ESR1: variants seen among roughly 807,000 people sequenced by gnomAD.
The protein encoded by ESR1 is estrogen receptor.
In ESR1, 12 loss-of-function variants were observed where a neutral mutation model predicts 52.7. The observed-to-expected ratio is 0.23, with a 90% CI of 0.15 to 0.37. ESR1 has a LOEUF of 0.37. Among genes scored for constraint, ESR1 ranks in the 10% least tolerant of loss-of-function variants. ESR1 has a pLI of 1.00. For synonymous variants in ESR1, 305 were observed against 316.8 expected (o/e 0.96, Z 0.39); for missense variants, 584 against 779.7 (o/e 0.75, Z 2.99).
At chr6:151,899,707 C>G (rs1289192453) in intron 3 of ESR1, among the ~76,000 whole-genome samples, 1 of 151,010 alleles carries the variant, frequency 6.6e-6, no homozygotes, top group Non-Finnish European at 1.5e-5. Flanking sequence ...AGAGGGTCTC[C>G]TCACTTCTCA....
At chr6:151,720,137 G>C (rs1321419771) in intron 2 of ESR1, among the ~76,000 whole-genome samples, 1 of 152,178 alleles carries the variant, frequency 6.6e-6, no homozygotes, top group Admixed American at 6.5e-5. Flanking sequence ...GATAAATTAA[G>C]TTGCTAATAT....
At chr6:151,697,131 A>G (rs1779409512) in intron 1 of ESR1, among the ~76,000 whole-genome samples, 1 of 152,200 alleles carries the variant, frequency 6.6e-6, no homozygotes, top group African/African-American at 2.4e-5. Context: ...AATGAAATAA[A>G]GACTTAACCT....
rs983413012 is a variant in ESR1 at position 151,820,725 on chromosome 6, C to T, written c.452+12361C>T. On this transcript the variant is annotated intron_variant, in intron 1 of 7. Coordinates refer to ENST00000206249, the MANE Select transcript of ESR1 (RefSeq NM_000125.4). ...AATGCTTTCATCTTAGACTGTGTCC[C>T]GAGGCTGCTGCTTTTATTTTTATGG... 3.9e-4 allele frequency among the ~76,000 whole-genome samples: 60 copies of T among 152,140 alleles called. 2 individuals are homozygous for T. The highest frequency in any genetic ancestry group is 6.6e-4 in the Admixed American group (10 of 15,266).
At chr6:151,702,311 A>G (rs1043546812) in intron 2 of ESR1, among the ~76,000 whole-genome samples, 2 of 152,246 alleles carry the variant, frequency 1.3e-5, no homozygotes, top group African/African-American at 2.4e-5. Context: ...TACATACTCA[A>G]TAGTCCACTC....
rs752504258 is a variant in ESR1 at position 152,094,345 on chromosome 6, C to G, written c.1370-40C>G. The G allele has an allele frequency of 5.0e-6, 8 of 1,593,318 alleles. No individual in the cohort carries two copies. The highest frequency in any genetic ancestry group is 6.9e-6 in the Non-Finnish European group (8 of 1,161,166). On this transcript the variant is annotated intron_variant, in intron 6 of 7. Coordinates refer to ENST00000206249, the MANE Select transcript of ESR1 (RefSeq NM_000125.4). The surrounding 1 kb of genome is among the most constrained non-coding windows in gnomAD (Gnocchi z 4.6). ...CTCTGGGTCTCCTAGACCTCATCCT[C>G]TTTGAGCTTCTCTCTCTCACTCTCT...
At chr6:152,117,437 C>T (rs1225409226) in intron 6 of ESR1, among the ~76,000 whole-genome samples, 8 of 152,170 alleles carry the variant, frequency 5.3e-5, no homozygotes, top group African/African-American at 9.7e-5. Context: ...AAATCTGTGA[C>T]GAGGCTTACC....
intron 1 of ESR1, among the ~76,000 whole-genome samples, chr6:151,831,936 C>T (rs138981388): frequency 1.8e-3 from 271 of 152,266 alleles, no homozygotes; most frequent in African/African-American, 6.1e-3. Context: ...CCATAACGTT[C>T]TCCCTAGATG....
intron 1 of ESR1, among the ~76,000 whole-genome samples, chr6:151,701,585 C>A (rs140175648): frequency 2.7e-3 from 407 of 151,030 alleles, no homozygotes; most frequent in Non-Finnish European, 4.7e-3. Flanking sequence ...TCCCGTGGGC[C>A]TGAGTTGGTG....
At chr6:152,108,187 C>T (rs1023113990), downstream of ESR1, among the ~76,000 whole-genome samples, 8 of 152,026 alleles carry the variant, frequency 5.3e-5, no homozygotes, top group Non-Finnish European at 7.3e-5. Context: ...GTGCTTGCCA[C>T]GGCCACAACC....
At chr6:152,120,960 T>C (rs1023935286) in intron 6 of ESR1, among the ~76,000 whole-genome samples, 6 of 152,126 alleles carry the variant, frequency 3.9e-5, no homozygotes, top group Admixed American at 3.3e-4. Flanking sequence ...GTTGAAGGTT[T>C]ACAAGTACAA....
At chr6:152,122,226 A>T in intron 6 of ESR1, 1 of 747,746 alleles carries the variant, frequency 1.3e-6, no homozygotes, top group Non-Finnish European at 2.2e-6. Flanking sequence ...GATTTCTTCC[A>T]AACCTTCTTG....
chr6:152,034,087 A>G (rs2045026952), intron 5 of ESR1, among the ~76,000 whole-genome samples: 1 of 148,206 alleles, frequency 6.7e-6, no homozygotes, highest in African/African-American at 2.5e-5. Flanking sequence ...TGGGAGTTGA[A>G]CAATGAGAAC....
intron 2 of ESR1, among the ~76,000 whole-genome samples, chr6:151,777,411 A>G (rs186569423): frequency 0.087 from 13,190 of 151,886 alleles, 682 homozygotes; most frequent in African/African-American, 0.1. Context: ...GAGCCACCGC[A>G]CCTGGCCTAT....
chr6:151,774,907 C>T (rs922938920), intron 2 of ESR1, among the ~76,000 whole-genome samples: 5 of 152,202 alleles, frequency 3.3e-5, no homozygotes, highest in African/African-American at 1.2e-4. Flanking sequence ...ATTCAAACTG[C>T]TTTTCACTGC....
chr6:151,997,478 G>C (rs2041595271), intron 4 of ESR1, among the ~76,000 whole-genome samples: 1 of 152,060 alleles, frequency 6.6e-6, no homozygotes, highest in South Asian at 2.1e-4. Flanking sequence ...AAATGAGTCA[G>C]AAGATACAAA....
At chr6:152,090,943 T>A (rs3020381) in intron 6 of ESR1, among the ~76,000 whole-genome samples, 65,023 of 152,100 alleles carry the variant, frequency 0.43, 15,308 homozygotes, top group African/African-American at 0.61. Flanking sequence ...TCAAGACTGG[T>A]TAATGACATA....
At chr6:151,671,919 G>C (rs1778076427) in intron 1 of ESR1, among the ~76,000 whole-genome samples, 1 of 152,184 alleles carries the variant, frequency 6.6e-6, no homozygotes, top group African/African-American at 2.4e-5. Flanking sequence ...TCGAACCCAG[G>C]AGATGGAGGT....
chr6:152,047,620 C>A (rs900386687), intron 5 of ESR1, among the ~76,000 whole-genome samples: 2 of 152,038 alleles, frequency 1.3e-5, no homozygotes, highest in African/African-American at 2.4e-5. Context: ...TAAGGAATTG[C>A]CCTGTGTGAG....
At chr6:151,805,236 G>A (rs1042116148), upstream of ESR1, 1 of 152,128 alleles carries the variant, frequency 6.6e-6, no homozygotes, top group African/African-American at 2.4e-5. Context: ...CAGAGACTGG[G>A]GGCTAGGGCC....
Sources: allele counts gnomAD v4.1 joint callset (sites outside exome capture counted in the v4.1 genomes callset), GRCh38; gene constraint gnomAD v4.1.1; non-coding constraint Gnocchi (gnomAD v3.1); transcripts MANE v1.5; gene names NCBI Gene and HGNC (gene_info 2026-07-23, HGNC 2026-07-21).